Variants in ZNF385D observed in about 807,000 individuals in gnomAD.
The protein encoded by ZNF385D is zinc finger protein 659.
A neutral mutation model predicts 35.8 loss-of-function variants in ZNF385D; 15 were observed. That is an observed-to-expected ratio of 0.42 (90% CI 0.28 to 0.64). The LOEUF is 0.64. Ranked by LOEUF, ZNF385D falls within the 30% of genes least tolerant of loss-of-function variation. The pLI, the probability that ZNF385D is intolerant of heterozygous loss-of-function variation, is 0.23. For missense variants in ZNF385D, 474 were observed against 494.6 expected (o/e 0.96, Z 0.39); for synonymous variants, 212 against 186.8 (o/e 1.13, Z -1.10).
At chr3:21,576,968 C>T (rs1483386501) in intron 2 of ZNF385D, among the ~76,000 whole-genome samples, 1 of 152,112 alleles carries the variant, frequency 6.6e-6, no homozygotes, top group African/African-American at 2.4e-5. Context: ...TGGTAATTAG[C>T]ATATCCATCA....
intron 3 of ZNF385D, among the ~76,000 whole-genome samples, chr3:21,989,632 C>A (rs527757608): frequency 1.3e-5 from 2 of 152,104 alleles, no homozygotes; most frequent in African/African-American, 2.4e-5. Context: ...CTTGGAAACA[C>A]TGGATGCATG....
chr3:22,309,473 G>C (rs753774398), intron 2 of ZNF385D, among the ~76,000 whole-genome samples: 3 of 151,910 alleles, frequency 2.0e-5, no homozygotes, highest in Non-Finnish European at 4.4e-5. Flanking sequence ...AACTATTTTT[G>C]TCTCGACTAT....
At chr3:21,491,221 T>A (rs887991824) in intron 4 of ZNF385D, among the ~76,000 whole-genome samples, 1 of 149,042 alleles carries the variant, frequency 6.7e-6, no homozygotes, top group African/African-American at 2.5e-5. Flanking sequence ...AGGGGTTTTT[T>A]TTTTGGGAAA....
At chr3:21,434,503 T>G (rs142107377) in intron 5 of ZNF385D, among the ~76,000 whole-genome samples, 1 of 152,218 alleles carries the variant, frequency 6.6e-6, no homozygotes, top group African/African-American at 2.4e-5. Flanking sequence ...GGAGCCAGTA[T>G]GCATGTGGCA....
intron 2 of ZNF385D, among the ~76,000 whole-genome samples, chr3:22,276,782 C>A (rs2638145): frequency 0.54 from 81,283 of 151,872 alleles, 23,821 homozygotes; most frequent in African/African-American, 0.8. Flanking sequence ...ATGCAAAACT[C>A]AATGTATCAG....
intron 3 of ZNF385D, among the ~76,000 whole-genome samples, chr3:21,544,986 C>G (rs1052166061): frequency 6.6e-6 from 1 of 152,186 alleles, no homozygotes; most frequent in Non-Finnish European, 1.5e-5. Flanking sequence ...GATGTTCAAT[C>G]TTCCTTAGGT....
At chr3:22,230,107 C>CT (rs1559466743) in intron 2 of ZNF385D, among the ~76,000 whole-genome samples, 1 of 152,138 alleles carries the variant, frequency 6.6e-6, no homozygotes, top group Non-Finnish European at 1.5e-5. Context: ...AACGATGAGC[C>CT]TCCCAGAGGA....
At chr3:22,227,891 C>T (rs1283553427) in intron 2 of ZNF385D, among the ~76,000 whole-genome samples, 1 of 152,178 alleles carries the variant, frequency 6.6e-6, no homozygotes, top group Non-Finnish European at 1.5e-5. Flanking sequence ...TGTGAGGTAG[C>T]TCTGCTCTGC....
At chr3:22,231,415 C>T (rs1698882186) in intron 2 of ZNF385D, among the ~76,000 whole-genome samples, 1 of 152,144 alleles carries the variant, frequency 6.6e-6, no homozygotes, top group South Asian at 2.1e-4. Context: ...TCCACCAGCC[C>T]CAAGGAGCTG....
chr3:22,292,366 G>T (rs1410952209), intron 2 of ZNF385D, among the ~76,000 whole-genome samples: 1 of 151,908 alleles, frequency 6.6e-6, no homozygotes, highest in Non-Finnish European at 1.5e-5. Context: ...AATGTAATCT[G>T]CAATTAAGTG....
Position 21,418,026 on chromosome 3 carries a change from C to T in ZNF385D, c.*3188G>A. The T allele has an allele frequency of 6.6e-6, 1 of 152,218 alleles. No homozygotes were observed. The highest frequency in any genetic ancestry group is 2.1e-4 in the South Asian group (1 of 4,820). 9.4% of individuals were successfully genotyped at this position (152,218 alleles called of 1,614,324 possible). A position where few individuals can be genotyped will look rare whatever the true frequency, so the allele number is the denominator to read the frequency against. ...AGGAGCAATTTATCATGTGTAATTG[C>T]CTGTTTTCTCATAAGAGAAATACAG... is the stretch of plus-strand genomic sequence containing the variant. On this transcript the variant is annotated 3_prime_UTR_variant, in exon 8 of 8. Transcript: ENST00000281523.
At chr3:21,769,923 A>T (rs2125608215) in intron 3 of ZNF385D, among the ~76,000 whole-genome samples, 1 of 152,140 alleles carries the variant, frequency 6.6e-6, no homozygotes, top group South Asian at 2.1e-4. Flanking sequence ...AGCCCTCAGA[A>T]ATAATACCAC....
At chr3:21,761,839 T>TA (rs2070624074) in intron 3 of ZNF385D, among the ~76,000 whole-genome samples, 1 of 150,334 alleles carries the variant, frequency 6.7e-6, no homozygotes, top group Non-Finnish European at 1.5e-5. Context: ...CATAATGGCT[T>TA]AAAATTATGA....
chr3:21,678,556 C>G (rs61636205), intron 1 of ZNF385D, among the ~76,000 whole-genome samples: 66 of 152,230 alleles, frequency 4.3e-4, no homozygotes, highest in African/African-American at 1.5e-3. Flanking sequence ...AGAAGGGGCT[C>G]TGATCACAGC....
At chr3:21,468,794 C>T (rs1413236500) in intron 4 of ZNF385D, among the ~76,000 whole-genome samples, 2 of 151,498 alleles carry the variant, frequency 1.3e-5, no homozygotes, top group African/African-American at 2.4e-5. Context: ...CGTAGTGGTG[C>T]GCCCATAGTC....
At chr3:21,468,201 G>C (rs1169481338) in intron 4 of ZNF385D, among the ~76,000 whole-genome samples, 1 of 151,710 alleles carries the variant, frequency 6.6e-6, no homozygotes, top group Non-Finnish European at 1.5e-5. Context: ...TCAGAAGTTT[G>C]AGATGAGCCT....
intron 3 of ZNF385D, among the ~76,000 whole-genome samples, chr3:22,131,650 T>C (rs1381554275): frequency 3.3e-5 from 5 of 152,092 alleles, no homozygotes; most frequent in Non-Finnish European, 4.4e-5. Flanking sequence ...AGAGAACAGA[T>C]GTTTATCCAG....
intron 2 of ZNF385D, among the ~76,000 whole-genome samples, chr3:21,612,644 A>G (rs1003751147): frequency 6.6e-6 from 1 of 152,244 alleles, no homozygotes; most frequent in Admixed American, 6.5e-5. Context: ...AAGTAAGATT[A>G]ATTGCCACAG....
At chr3:22,009,994 A>C (rs1410356129) in intron 3 of ZNF385D, among the ~76,000 whole-genome samples, 1 of 152,166 alleles carries the variant, frequency 6.6e-6, no homozygotes, top group Non-Finnish European at 1.5e-5. Context: ...AAAGGGCATA[A>C]AGGAAATTGA....
Sources: allele counts gnomAD v4.1 joint callset (sites outside exome capture counted in the v4.1 genomes callset), GRCh38; gene constraint gnomAD v4.1.1; transcripts MANE v1.5; gene names NCBI Gene and HGNC (gene_info 2026-07-23, HGNC 2026-07-21).